Variants in RBFOX1 observed in about 807,000 individuals in gnomAD.
RBFOX1 encodes RNA binding fox-1 homolog 1, also known as RNA binding protein fox-1 homolog 1.
A neutral mutation model predicts 57.7 loss-of-function variants in RBFOX1; 8 were observed. That is an observed-to-expected ratio of 0.14 (90% CI 0.08 to 0.25). The LOEUF is 0.25. Among genes scored for constraint, RBFOX1 ranks in the 10% least tolerant of loss-of-function variants. RBFOX1 has a pLI of 1.00. For synonymous variants in RBFOX1, 326 were observed against 222.4 expected, an observed-to-expected ratio of 1.47 and a Z score of -4.15; for missense variants, 611 against 548.5, an observed-to-expected ratio of 1.11 and a Z score of -1.14.
intron 3 of RBFOX1, among the ~76,000 whole-genome samples, chr16:5,662,451 C>G (rs953502503): frequency 2.6e-5 from 4 of 152,116 alleles, no homozygotes; most frequent in Non-Finnish European, 4.4e-5. Context: ...GAAAACTCCC[C>G]CATACACTCA....
At chr16:6,060,840 T>C (rs1168482191) in intron 1 of RBFOX1, among the ~76,000 whole-genome samples, 8 of 152,300 alleles carry the variant, frequency 5.3e-5, no homozygotes, top group Middle Eastern at 3.4e-3. Context: ...TTACACTGTT[T>C]TTCCAGGGCT....
At chr16:5,934,945 A>G (rs2059138025) in intron 4 of RBFOX1, among the ~76,000 whole-genome samples, 1 of 152,148 alleles carries the variant, frequency 6.6e-6, no homozygotes, top group Non-Finnish European at 1.5e-5. Context: ...GAGTCAACAC[A>G]CCTGTGGGTA....
chr16:6,460,754 C>T (rs2094898439), intron 2 of RBFOX1, among the ~76,000 whole-genome samples: 2 of 149,814 alleles, frequency 1.3e-5, no homozygotes, highest in African/African-American at 4.9e-5. Flanking sequence ...GGGTATATAG[C>T]CAAAGGAATA....
chr16:6,232,967 C>T (rs2097476306), intron 1 of RBFOX1, among the ~76,000 whole-genome samples: 1 of 152,132 alleles, frequency 6.6e-6, no homozygotes, highest in African/African-American at 2.4e-5. Flanking sequence ...TCAATATGGG[C>T]AGGGTAGCCG....
intron 4 of RBFOX1, among the ~76,000 whole-genome samples, chr16:7,174,825 C>T (rs1419677265): frequency 2.0e-5 from 3 of 152,122 alleles, no homozygotes; most frequent in Non-Finnish European, 2.9e-5. Flanking sequence ...AAGTATTTTT[C>T]CAAAGCGGTT....
chr16:6,834,221 C>T (rs961008323), intron 3 of RBFOX1, among the ~76,000 whole-genome samples: 12 of 151,892 alleles, frequency 7.9e-5, no homozygotes, highest in African/African-American at 2.9e-4. Context: ...TTACAGGTGC[C>T]CGCTAGCACG....
At chr16:5,470,973 T>C (rs1420807629) in intron 2 of RBFOX1, among the ~76,000 whole-genome samples, 1 of 152,172 alleles carries the variant, frequency 6.6e-6, no homozygotes, top group Non-Finnish European at 1.5e-5. Context: ...TGCCTCAGCC[T>C]CCTAAGTAGC....
At chr16:7,177,165 C>G (rs1421335115) in intron 4 of RBFOX1, among the ~76,000 whole-genome samples, 1 of 152,116 alleles carries the variant, frequency 6.6e-6, no homozygotes, top group African/African-American at 2.4e-5. Flanking sequence ...GCATTTTTGT[C>G]CAGGAGTAGT....
rs558142413 is a variant in RBFOX1 at position 7,273,674 on chromosome 16, T to A, written c.27+221576T>A. On this transcript the variant is annotated intron_variant, in intron 4 of 15. Coordinates refer to ENST00000550418, the MANE Select transcript of RBFOX1 (RefSeq NM_018723.4). ...TGCCTTTCGAATTGGGAAGCTCTAT[T>A]CTGATGAAAGATGGACCTTATTTTT... is the stretch of plus-strand genomic sequence containing the variant. Among the ~76,000 whole-genome samples the A allele has an allele frequency of 7.2e-5, 11 of 152,348 alleles. No homozygotes were observed. In the South Asian group the frequency reaches 2.3e-3, roughly 32 times the overall value.
At chr16:7,462,569 T>C (rs1470901310) in intron 4 of RBFOX1, among the ~76,000 whole-genome samples, 5 of 152,250 alleles carry the variant, frequency 3.3e-5, no homozygotes, top group East Asian at 3.8e-4. Flanking sequence ...AACTTCGGCA[T>C]GACTCAACTG....
intron 4 of RBFOX1, among the ~76,000 whole-genome samples, chr16:7,360,565 C>A (rs1568406685): frequency 6.6e-6 from 1 of 152,120 alleles, no homozygotes. Context: ...CAAGCCTGTG[C>A]CTAGGGAAGT....
intron 3 of RBFOX1, among the ~76,000 whole-genome samples, chr16:5,834,722 G>GATACATAC (rs1555541469): frequency 2.2e-5 from 3 of 133,646 alleles, no homozygotes; most frequent in Non-Finnish European, 4.7e-5. Context: ...TAGATACATA[G>GATACATAC]ATACATAGAT....
chr16:5,832,659 T>A (rs74004638), intron 3 of RBFOX1, among the ~76,000 whole-genome samples: 4,780 of 152,238 alleles, frequency 0.031, 237 homozygotes, highest in African/African-American at 0.1. Flanking sequence ...AGGTGTGCAA[T>A]TGTGGGTCAA....
chr16:6,247,637 C>T (rs2097576515), intron 1 of RBFOX1, among the ~76,000 whole-genome samples: 1 of 152,146 alleles, frequency 6.6e-6, no homozygotes. Context: ...GTTATTATCT[C>T]TGTATCAGAG....
chr16:6,605,543 C>T (rs1011073260), intron 2 of RBFOX1, among the ~76,000 whole-genome samples: 1 of 152,160 alleles, frequency 6.6e-6, no homozygotes. Flanking sequence ...GCGTCCAGTG[C>T]ATTTGTCATC....
intron 1 of RBFOX1, among the ~76,000 whole-genome samples, chr16:6,076,344 A>G (rs1163490526): frequency 6.7e-6 from 1 of 150,150 alleles, no homozygotes; most frequent in Non-Finnish European, 1.5e-5. Flanking sequence ...GCACACACAC[A>G]CATACACACA....
rs1032610984 is a variant in RBFOX1 at position 5,859,188 on chromosome 16, C to G, written c.319-8115C>G. Among the ~76,000 whole-genome samples the G allele has an allele frequency of 4.6e-5, 7 of 152,128 alleles. No homozygotes were observed. The East Asian group carries it at 1.2e-3, about 25-fold the overall frequency. ...CCACGGCACTCCAGCCTGGGCGACA[C>G]AGCGAGACTCTGTCTCACAAACAAA... is the stretch of plus-strand genomic sequence containing the variant. On this transcript the variant is annotated intron_variant, in intron 3 of 19. Transcript: ENST00000641259.
intron 1 of RBFOX1, among the ~76,000 whole-genome samples, chr16:6,069,771 G>A (rs2152481625): frequency 6.6e-6 from 1 of 152,232 alleles, no homozygotes; most frequent in Admixed American, 6.5e-5. Context: ...CAGATCACTT[G>A]AGTTCAGGAG....
At chr16:7,166,576 G>A (rs933081661) in intron 4 of RBFOX1, among the ~76,000 whole-genome samples, 15 of 152,156 alleles carry the variant, frequency 9.9e-5, no homozygotes, top group African/African-American at 2.2e-4. Flanking sequence ...GGACAGCCTC[G>A]TCATCGGTTA....
Sources: allele counts gnomAD v4.1 joint callset (sites outside exome capture counted in the v4.1 genomes callset), GRCh38; gene constraint gnomAD v4.1.1; transcripts MANE v1.5; gene names NCBI Gene and HGNC (gene_info 2026-07-23, HGNC 2026-07-21).